PLCL1: variants seen among roughly 807,000 people sequenced by gnomAD.
PLCL1 encodes the protein phospholipase C like 1 (inactive).
A neutral mutation model predicts 84.4 loss-of-function variants in PLCL1; 41 were observed. The observed-to-expected ratio is 0.49, with a 90% CI of 0.38 to 0.63. PLCL1 has a LOEUF of 0.63. PLCL1 is among the 30% of genes least tolerant of loss of function. The pLI, the probability that PLCL1 is intolerant of heterozygous loss-of-function variation, is 0.00. For synonymous variants in PLCL1, 490 were observed against 488.3 expected (o/e 1.00, Z -0.05); for missense variants, 1,206 against 1,367.8 (o/e 0.88, Z 1.87).
At chr2:198,037,473 G>T (rs2105855564) in intron 1 of PLCL1, among the ~76,000 whole-genome samples, 1 of 152,308 alleles carries the variant, frequency 6.6e-6, no homozygotes, top group Middle Eastern at 3.4e-3. Flanking sequence ...TTGACCCCAA[G>T]TCCTTTTTTC....
At chr2:197,834,678 G>A (rs1156292180) in intron 1 of PLCL1, among the ~76,000 whole-genome samples, 1 of 152,172 alleles carries the variant, frequency 6.6e-6, no homozygotes, top group Non-Finnish European at 1.5e-5. Context: ...TGGAGAAATA[G>A]GAACGCTTGT....
rs1217309023 is a variant in PLCL1 at position 198,149,592 on chromosome 2, G to A, written c.*2630G>A. The A allele has an allele frequency of 1.3e-5, 2 of 152,046 alleles. No homozygotes were observed. The highest frequency in any genetic ancestry group is 4.8e-5 in the African/African-American group (2 of 41,366). The allele number at this position is 152,046 out of a possible 1,614,324, so 9.4% of individuals were successfully genotyped here. ...TTTATAACCACAGATACAAAGAACTGTATCATTTATTTTCTGAATATAAAA... is the reference window on the plus strand; with the variant it reads ...TTTATAACCACAGATACAAAGAACTATATCATTTATTTTCTGAATATAAAA... On this transcript the variant is annotated 3_prime_UTR_variant, in exon 6 of 6. Coordinates refer to ENST00000428675, the MANE Select transcript of PLCL1 (RefSeq NM_006226.4).
At chr2:197,821,861 C>T (rs1279196070) in intron 1 of PLCL1, among the ~76,000 whole-genome samples, 4 of 152,004 alleles carry the variant, frequency 2.6e-5, no homozygotes, top group African/African-American at 4.8e-5. Context: ...AACAGTTAGT[C>T]GTGGGATATA....
intron 1 of PLCL1, among the ~76,000 whole-genome samples, chr2:198,074,815 A>T (rs1426829731): frequency 6.6e-6 from 1 of 152,224 alleles, no homozygotes. Flanking sequence ...TTTTTCAGAT[A>T]AAGTATTTTA....
chr2:198,037,419 G>C (rs1369502498), intron 1 of PLCL1, among the ~76,000 whole-genome samples: 1 of 152,200 alleles, frequency 6.6e-6, no homozygotes, highest in South Asian at 2.1e-4. Context: ...TGCAATAAAG[G>C]AAAGCTGCTT....
chr2:197,909,062 G>A (rs1367635270), intron 1 of PLCL1, among the ~76,000 whole-genome samples: 2 of 152,198 alleles, frequency 1.3e-5, no homozygotes, highest in African/African-American at 4.8e-5. Flanking sequence ...AAGGATAAAT[G>A]CGGCATTCAG....
At chr2:198,092,200 G>A (rs558747838) in intron 3 of PLCL1, among the ~76,000 whole-genome samples, 6 of 150,268 alleles carry the variant, frequency 4.0e-5, no homozygotes, top group Admixed American at 6.6e-5. Flanking sequence ...GCTTGTCCCA[G>A]TCTCACCTGC....
chr2:198,074,836 C>T (rs1282838005), intron 1 of PLCL1, among the ~76,000 whole-genome samples: 1 of 152,044 alleles, frequency 6.6e-6, no homozygotes, highest in East Asian at 1.9e-4. Context: ...AGTAAATGTG[C>T]AACATTAATT....
At chr2:197,977,093 A>G (rs1268791258) in intron 1 of PLCL1, among the ~76,000 whole-genome samples, 1 of 152,194 alleles carries the variant, frequency 6.6e-6, no homozygotes, top group Non-Finnish European at 1.5e-5. Flanking sequence ...AGGTATCACC[A>G]TCTGATTTCT....
intron 1 of PLCL1, among the ~76,000 whole-genome samples, chr2:197,972,413 T>C (rs1392494702): frequency 3.3e-5 from 5 of 152,218 alleles, no homozygotes; most frequent in Non-Finnish European, 7.3e-5. Flanking sequence ...GGAGATTTTT[T>C]TTCCCCAAGA....
chr2:197,981,678 T>A (rs1690110225), intron 1 of PLCL1, among the ~76,000 whole-genome samples: 1 of 152,212 alleles, frequency 6.6e-6, no homozygotes, highest in African/African-American at 2.4e-5. Context: ...GCCCGAAATG[T>A]CTGTCTGTTA....
intron 1 of PLCL1, among the ~76,000 whole-genome samples, chr2:197,834,523 A>T (rs1691140006): frequency 6.6e-6 from 1 of 152,266 alleles, no homozygotes. Flanking sequence ...GAAGACATTT[A>T]TGTGGCCAAC....
At chr2:197,816,007 C>T (rs1690679100) in intron 1 of PLCL1, among the ~76,000 whole-genome samples, 1 of 152,152 alleles carries the variant, frequency 6.6e-6, no homozygotes, top group African/African-American at 2.4e-5. Context: ...GATAAAGCAG[C>T]AGCAGGGTTC....
chr2:197,853,311 T>C (rs1305533888), intron 1 of PLCL1, among the ~76,000 whole-genome samples: 1 of 152,226 alleles, frequency 6.6e-6, no homozygotes, highest in Non-Finnish European at 1.5e-5. Context: ...CTATTGAGAA[T>C]AATGCTGATA....
At chr2:198,008,844 T>C (rs1690797240) in intron 1 of PLCL1, among the ~76,000 whole-genome samples, 1 of 152,058 alleles carries the variant, frequency 6.6e-6, no homozygotes, top group Non-Finnish European at 1.5e-5. Context: ...TTCCATCTTC[T>C]CTACATCTTC....
intron 5 of PLCL1, among the ~76,000 whole-genome samples, chr2:198,137,056 T>C (rs966293832): frequency 1.3e-5 from 2 of 152,176 alleles, no homozygotes; most frequent in Admixed American, 1.3e-4. Flanking sequence ...AAAGAAGTCT[T>C]AAGCTAGTTT....
Position 198,036,590 on chromosome 2 carries a change from A to G in PLCL1, c.241-47168A>G, listed in dbSNP as rs951188725. On this transcript the variant is annotated intron_variant, in intron 1 of 5. Transcript: ENST00000428675. ...ATAGAATGGATGGACATATAATTTCATCTTCTGCCTTGAAGACAGGTGTTG... is the reference window on the plus strand; with the variant it reads ...ATAGAATGGATGGACATATAATTTCGTCTTCTGCCTTGAAGACAGGTGTTG... 1.5e-4 allele frequency among the ~76,000 whole-genome samples: 23 copies of G among 152,280 alleles called. No individual in the cohort carries two copies. In the Middle Eastern group the frequency reaches 0.01, roughly 68 times the overall value.
intron 5 of PLCL1, among the ~76,000 whole-genome samples, chr2:198,120,459 C>G (rs999088544): frequency 1.6e-4 from 24 of 151,932 alleles, no homozygotes; most frequent in African/African-American, 5.6e-4. Context: ...TCCTCATCTC[C>G]CCTCATTCCC....
chr2:197,950,859 G>A (rs1200119543), intron 1 of PLCL1, among the ~76,000 whole-genome samples: 2 of 152,114 alleles, frequency 1.3e-5, no homozygotes, highest in African/African-American at 4.8e-5. Context: ...GTTGTTTCCA[G>A]TAATAAAATT....
Sources: allele counts gnomAD v4.1 joint callset (sites outside exome capture counted in the v4.1 genomes callset), GRCh38; gene constraint gnomAD v4.1.1; transcripts MANE v1.5; gene names NCBI Gene and HGNC (gene_info 2026-07-23, HGNC 2026-07-21).